The following TNRC6C variants were observed in gnomAD, a reference collection of about 807,000 sequenced individuals.
The protein encoded by TNRC6C is trinucleotide repeat-containing gene 6C protein.
In TNRC6C, 20 loss-of-function variants were observed where a neutral mutation model predicts 153.7. That is an observed-to-expected ratio of 0.13 (90% CI 0.09 to 0.19). The LOEUF (loss-of-function observed/expected upper bound fraction) is 0.19. Among genes scored for constraint, TNRC6C ranks in the 10% least tolerant of loss-of-function variants. The pLI, the probability that TNRC6C is intolerant of heterozygous loss-of-function variation, is 1.00. For synonymous variants in TNRC6C, 811 were observed against 841.4 expected, an observed-to-expected ratio of 0.96 and a Z score of 0.63; for missense variants, 1,987 against 2,172.0, an observed-to-expected ratio of 0.91 and a Z score of 1.69.
At chr17:78,037,613 G>C (rs979719834) in intron 2 of TNRC6C, among the ~76,000 whole-genome samples, 1 of 152,204 alleles carries the variant, frequency 6.6e-6, no homozygotes, top group Non-Finnish European at 1.5e-5. Flanking sequence ...GCGCAGACCC[G>C]CAGTTGTAAA....
At chr17:77,971,675 T>C (rs2070941077) in intron 1 of TNRC6C, among the ~76,000 whole-genome samples, 1 of 152,142 alleles carries the variant, frequency 6.6e-6, no homozygotes, top group Admixed American at 6.5e-5. Flanking sequence ...TCTGCTCTGC[T>C]TGCATTCCTT....
intron 2 of TNRC6C, among the ~76,000 whole-genome samples, chr17:78,035,967 T>C (rs1431564359): frequency 2.0e-5 from 3 of 152,208 alleles, no homozygotes; most frequent in Non-Finnish European, 2.9e-5. Context: ...CGGTCACTTC[T>C]ACATTAAAAC....
chr17:78,093,024 G>A, exon 15 of TNRC6C: 2 of 1,613,830 alleles, frequency 1.2e-6, no homozygotes, highest in Non-Finnish European at 1.7e-6. Flanking sequence ...AGAACAGTGA[G>A]TCACCAGCCA....
intron 11 of TNRC6C, among the ~76,000 whole-genome samples, chr17:78,084,230 G>C (rs1179584666): frequency 2.0e-5 from 3 of 149,454 alleles, no homozygotes; most frequent in Non-Finnish European, 3.0e-5. Context: ...GTTGCAGTGA[G>C]CCTCGCACCT....
chr17:78,107,887 C>T (rs978048019), exon 20 of TNRC6C: 3 of 152,186 alleles, frequency 2.0e-5, no homozygotes, highest in Admixed American at 1.3e-4. Flanking sequence ...TTTTGTGTTT[C>T]CTAGACATTT....
chr17:78,060,056 T>C (rs1354025279), intron 3 of TNRC6C, among the ~76,000 whole-genome samples: 1 of 152,096 alleles, frequency 6.6e-6, no homozygotes, highest in East Asian at 1.9e-4. Flanking sequence ...TCAAGGCCCG[T>C]GGTCAGTTTC....
intron 3 of TNRC6C, among the ~76,000 whole-genome samples, chr17:78,061,812 TACTAG>T (rs2072774664): frequency 6.6e-6 from 1 of 152,238 alleles, no homozygotes; most frequent in Non-Finnish European, 1.5e-5. Context: ...TGAAAATACT[TACTAG>T]ACATTTCTCC....
At chr17:78,004,942 ATT>A (rs911184680), upstream of TNRC6C, 29 of 820,870 alleles carry the variant, frequency 3.5e-5, no homozygotes, top group Non-Finnish European at 4.4e-5. Context: ...GCAAAAACTC[ATT>A]TTTAAAATTT....
At chr17:77,990,198 C>T (rs1187401929) in intron 1 of TNRC6C, among the ~76,000 whole-genome samples, 1 of 152,166 alleles carries the variant, frequency 6.6e-6, no homozygotes, top group Non-Finnish European at 1.5e-5. Flanking sequence ...TTTGCATCCC[C>T]AGATCTAAAC....
intron 3 of TNRC6C, among the ~76,000 whole-genome samples, chr17:78,059,846 CAAAAA>C (rs762507955): frequency 5.1e-5 from 4 of 77,708 alleles, no homozygotes; most frequent in Admixed American, 1.4e-4. Context: ...GACCCTGTCT[CAAAAA>C]AAAAAAAAAA....
intron 1 of TNRC6C, among the ~76,000 whole-genome samples, chr17:78,027,648 C>G (rs1421720862): frequency 6.6e-6 from 1 of 152,118 alleles, no homozygotes; most frequent in African/African-American, 2.4e-5. Flanking sequence ...TTGGAGGGTG[C>G]CCCCTTGCAT....
chr17:78,063,942 C>T (rs1598747771), intron 3 of TNRC6C, among the ~76,000 whole-genome samples: 3 of 152,292 alleles, frequency 2.0e-5, no homozygotes, highest in Non-Finnish European at 4.4e-5. Flanking sequence ...TTCTTTTAAA[C>T]CCTACTATGT....
chr17:78,084,112 C>T (rs2073231404), intron 11 of TNRC6C, among the ~76,000 whole-genome samples: 1 of 151,840 alleles, frequency 6.6e-6, no homozygotes, highest in Non-Finnish European at 1.5e-5. Flanking sequence ...GGTGAAACCC[C>T]GTCTCTACTA....
chr17:77,969,847 C>T (rs1289527882), intron 1 of TNRC6C, among the ~76,000 whole-genome samples: 1 of 151,816 alleles, frequency 6.6e-6, no homozygotes. Flanking sequence ...AAATTAAGCC[C>T]ACTTAAAGGG....
At chr17:77,961,389 C>T (rs895094046) in intron 1 of TNRC6C, among the ~76,000 whole-genome samples, 11 of 152,210 alleles carry the variant, frequency 7.2e-5, no homozygotes, top group African/African-American at 2.7e-4. Flanking sequence ...CTCCTGACTT[C>T]AGGTGATCCG....
chr17:78,087,232 A>G (rs2073311134), intron 13 of TNRC6C, 139 bp downstream of exon 15: 1 of 1,428,542 alleles, frequency 7.0e-7, no homozygotes, highest in African/African-American at 1.4e-5. Context: ...ATGCAGCCCC[A>G]GACAAAATCG....
intron 3 of TNRC6C, among the ~76,000 whole-genome samples, chr17:78,059,120 T>C (rs1372387558): frequency 6.6e-6 from 1 of 152,234 alleles, no homozygotes; most frequent in Non-Finnish European, 1.5e-5. Flanking sequence ...TATCATTCTT[T>C]AGTATAAAAA....
intron 16 of TNRC6C, among the ~76,000 whole-genome samples, chr17:78,095,094 T>G (rs2073460944): frequency 6.6e-6 from 1 of 152,172 alleles, no homozygotes; most frequent in Non-Finnish European, 1.5e-5. Flanking sequence ...GGATGCAGGT[T>G]GTACAGATCC....
intron 1 of TNRC6C, among the ~76,000 whole-genome samples, chr17:77,969,230 G>A (rs1567893814): frequency 6.6e-6 from 1 of 152,102 alleles, no homozygotes; most frequent in Non-Finnish European, 1.5e-5. Flanking sequence ...ACTGACTGAG[G>A]TAGTATAATT....
Sources: gnomAD v4.1 joint callset for allele counts (sites outside exome capture counted in the v4.1 genomes callset) on GRCh38, gnomAD v4.1.1 for gene constraint, MANE v1.5 for transcripts, NCBI Gene and HGNC (gene_info 2026-07-23, HGNC 2026-07-21) for gene names.